Variants in TENM4 observed in about 807,000 individuals in gnomAD.
TENM4 encodes the protein teneurin-4.
Under a neutral mutation model 243.3 loss-of-function variants are expected in TENM4, and 82 were observed. The observed-to-expected ratio is 0.34, with a 90% CI of 0.28 to 0.40. The LOEUF (loss-of-function observed/expected upper bound fraction) is 0.40, where lower values mean the gene tolerates loss of function less well. Ranked by LOEUF, TENM4 falls within the 10% of genes least tolerant of loss-of-function variation. TENM4 has a pLI of 1.00. For missense variants in TENM4, 3,138 were observed against 3,673.3 expected (o/e 0.85, Z 3.77); for synonymous variants, 1,412 against 1,456.3 (o/e 0.97, Z 0.69).
Position 78,658,431 on chromosome 11 carries a change from T to G in TENM4, c.7937A>C (p.Asn2646Thr). The G allele has an allele frequency of 6.2e-7, 1 of 1,614,052 alleles. No individual in the cohort carries two copies. The highest frequency in any genetic ancestry group is 8.5e-7 in the Non-Finnish European group (1 of 1,179,898). ...TGTGTTGATCTGGGACACAGTGACG[T>G]TGACCCCATTCTCCAGGGTTCGCCG... is the stretch of plus-strand genomic sequence containing the variant. ...GGRRTLENGV[N>T]VTVSQINTVL... Residue 2646 changes from asparagine to threonine, a missense_variant, in exon 34 of 34, where the codon AAC becomes ACC. Asn to Thr is a moderately conservative substitution (Grantham distance 65). This residue lies in a region of TENM4 where 2,467 missense variants were observed against 3,059.1 expected (regional missense o/e 0.81). Coordinates refer to ENST00000278550, the MANE Select transcript of TENM4 (RefSeq NM_001098816.3).
At chr11:79,308,293 C>T (rs1220539152) in intron 1 of TENM4, among the ~76,000 whole-genome samples, 13 of 152,054 alleles carry the variant, frequency 8.5e-5, no homozygotes, top group Non-Finnish European at 5.9e-5. Flanking sequence ...CAAAGAAAAC[C>T]GATTATATTC....
chr11:79,008,605 A>C (rs1174551890), intron 6 of TENM4, among the ~76,000 whole-genome samples: 1 of 152,228 alleles, frequency 6.6e-6, no homozygotes, highest in Non-Finnish European at 1.5e-5. Flanking sequence ...GTAACTTTAT[A>C]ATATTACATT....
intron 12 of TENM4, among the ~76,000 whole-genome samples, 165 bp from the exon 13 acceptor site, chr11:78,814,560 A>T (rs957888928): frequency 2.6e-5 from 4 of 152,220 alleles, no homozygotes; most frequent in Non-Finnish European, 5.9e-5. Flanking sequence ...TTTTACTCTT[A>T]TGGAAGCACA....
chr11:79,113,135 ACT>A (rs1861541312), intron 4 of TENM4, among the ~76,000 whole-genome samples: 1 of 151,966 alleles, frequency 6.6e-6, no homozygotes, highest in South Asian at 2.1e-4. Flanking sequence ...ATGAAAATCT[ACT>A]CTTTGTTTTA....
intron 6 of TENM4, among the ~76,000 whole-genome samples, chr11:79,046,486 G>A (rs1252763643): frequency 6.6e-6 from 1 of 152,112 alleles, no homozygotes; most frequent in African/African-American, 2.4e-5. Context: ...CTGACCCCTA[G>A]AACTTCCAGA....
chr11:79,242,687 C>A (rs1038020614), intron 2 of TENM4, among the ~76,000 whole-genome samples: 4 of 152,218 alleles, frequency 2.6e-5, no homozygotes, highest in Non-Finnish European at 5.9e-5. Context: ...CTAACCAATT[C>A]CCTAAAGTGG....
chr11:79,414,840 C>A (rs998492213), intron 1 of TENM4, among the ~76,000 whole-genome samples: 1 of 152,160 alleles, frequency 6.6e-6, no homozygotes, highest in East Asian at 1.9e-4. Flanking sequence ...TGGCCGGGTG[C>A]CTCCTGAGCT....
chr11:78,891,007 G>T (rs543107482), intron 8 of TENM4, among the ~76,000 whole-genome samples: 1 of 152,196 alleles, frequency 6.6e-6, no homozygotes, highest in African/African-American at 2.4e-5. Flanking sequence ...GAATGGCAAC[G>T]GCAGCCAATG....
chr11:79,302,220 AG>A (rs1382395563), intron 1 of TENM4, among the ~76,000 whole-genome samples: 1 of 152,252 alleles, frequency 6.6e-6, no homozygotes, highest in African/African-American at 2.4e-5. Flanking sequence ...GTCTTCACAC[AG>A]AAAGCAGCTC....
intron 22 of TENM4, among the ~76,000 whole-genome samples, chr11:78,728,253 C>T (rs1855570154): frequency 6.6e-6 from 1 of 152,160 alleles, no homozygotes; most frequent in African/African-American, 2.4e-5. Context: ...TGGAATAAAT[C>T]CAGCTCTGTT....
intron 6 of TENM4, among the ~76,000 whole-genome samples, chr11:78,906,607 A>G (rs141316091): frequency 8.7e-4 from 133 of 152,318 alleles, no homozygotes; most frequent in Middle Eastern, 6.8e-3. Flanking sequence ...AATGTTTTCT[A>G]TGGGGACAAG....
intron 2 of TENM4, among the ~76,000 whole-genome samples, chr11:79,252,094 C>T (rs1246766037): frequency 6.6e-6 from 1 of 152,140 alleles, no homozygotes; most frequent in Non-Finnish European, 1.5e-5. Flanking sequence ...TAAAAGCTCT[C>T]GGAGTGTTGG....
Position 78,683,895 on chromosome 11 carries a change from C to G in TENM4, c.5260+4159G>C, listed in dbSNP as rs571583524. Among the ~76,000 whole-genome samples the G allele has an allele frequency of 2.0e-5, 3 of 152,292 alleles. No homozygotes were observed. In the East Asian group the frequency reaches 5.8e-4, roughly 29 times the overall value. Reference sequence around the variant, plus strand: ...TTCTTTCTATAGATGAAAATACTATCTCTGGATTTGTGCTGCACTCTCCTG... The same window carrying G: ...TTCTTTCTATAGATGAAAATACTATGTCTGGATTTGTGCTGCACTCTCCTG... On this transcript the variant is annotated intron_variant, in intron 29 of 33. Coordinates refer to ENST00000278550, the MANE Select transcript of TENM4 (RefSeq NM_001098816.3).
At chr11:79,236,892 A>G (rs1402786966) in intron 2 of TENM4, among the ~76,000 whole-genome samples, 6 of 152,176 alleles carry the variant, frequency 3.9e-5, no homozygotes, top group African/African-American at 1.2e-4. Flanking sequence ...GTTTATCTGG[A>G]CAGCTGTGGC....
At chr11:78,750,760 C>G (rs1856169480) in intron 19 of TENM4, among the ~76,000 whole-genome samples, 1 of 152,188 alleles carries the variant, frequency 6.6e-6, no homozygotes, top group Non-Finnish European at 1.5e-5. Context: ...ATGGGACCCA[C>G]AAAGAGCCCC....
intron 32 of TENM4, among the ~76,000 whole-genome samples, chr11:78,663,883 T>TTTTTG (rs1378592246): frequency 7.9e-5 from 12 of 152,152 alleles, no homozygotes; most frequent in African/African-American, 2.9e-4. Context: ...TTTGCCTTTG[T>TTTTTG]TTTTGTTTTG....
chr11:79,215,509 C>G (rs1015301448), intron 3 of TENM4, among the ~76,000 whole-genome samples: 2 of 151,474 alleles, frequency 1.3e-5, no homozygotes, highest in African/African-American at 4.9e-5. Flanking sequence ...GACCTCCTTG[C>G]TGCCAGCACC....
At chr11:79,423,807 G>C (rs1858991166) in intron 1 of TENM4, among the ~76,000 whole-genome samples, 1 of 152,118 alleles carries the variant, frequency 6.6e-6, no homozygotes, top group South Asian at 2.1e-4. Flanking sequence ...AGGCCTGCAA[G>C]GGTAGAGGAA....
chr11:78,862,919 C>T, intron 10 of TENM4, 43 bp downstream of exon 10: 1 of 1,362,632 alleles, frequency 7.3e-7, no homozygotes, highest in Non-Finnish European at 9.6e-7. Context: ...AGCTCAGAGG[C>T]AGACACAGAG....
Sources: gnomAD v4.1 joint callset for allele counts (sites outside exome capture counted in the v4.1 genomes callset) on GRCh38, gnomAD v4.1.1 for gene constraint, gnomAD v4.1.1 regional missense constraint, MANE v1.5 for transcripts, NCBI Gene and HGNC (gene_info 2026-07-23, HGNC 2026-07-21) for gene names.